EPHB3: variants seen among roughly 807,000 people sequenced by gnomAD.
EPHB3 encodes ephrin type-B receptor 3.
A neutral mutation model predicts 100.2 loss-of-function variants in EPHB3; 33 were observed. The observed-to-expected ratio is 0.33, with a 90% CI of 0.25 to 0.44. EPHB3 has a LOEUF of 0.44. Among genes scored for constraint, EPHB3 ranks in the 20% least tolerant of loss-of-function variants. EPHB3 has a pLI of 1.00. For missense variants in EPHB3, 1,045 were observed against 1,378.3 expected (o/e 0.76, Z 3.83); for synonymous variants, 526 against 554.7 (o/e 0.95, Z 0.73).
Position 184,579,561 on chromosome 3 carries a change from A to G in EPHB3, c.1886A>G (p.Asp629Gly). 6.2e-7 allele frequency: 1 copy of G among 1,613,952 alleles called. No homozygotes were observed. Among genetic ancestry groups the G allele is most frequent in the Non-Finnish European group, 8.5e-7 (1 of 1,179,956 alleles). The change falls in exon 10 of 16, where the codon GAC (aspartate) becomes GGC (glycine). Residue 629 changes from aspartate to glycine, a missense_variant. By Grantham distance (94) the Asp-to-Gly change is moderately conservative. Around this residue, in one of 2 missense-constraint regions of EPHB3, gnomAD observed 985 missense variants for 1,331.1 expected, o/e 0.74. Transcript: ENST00000330394. This position sits in a 1 kb window ranked among gnomAD's most constrained non-coding sequence, Gnocchi z 5.2. ...EAVREFAKEI[D>G]VSCVKIEEVI... The stretch of plus-strand genomic sequence containing the variant: ...GTTCGGGAGTTTGCCAAGGAGATCG[A>G]CGTGTCCTGCGTCAAGATCGAGGAG...
rs1028025565 is a variant in EPHB3, at chr3:184,572,402, A to G, written c.184-102A>G. The G allele has an allele frequency of 2.9e-6, 4 of 1,356,100 alleles. No individual in the cohort carries two copies. The African/African-American group carries it at 4.5e-5, about 15-fold the overall frequency. The allele number at this position is 1,356,100 out of a possible 1,614,324, so 84.0% of individuals were successfully genotyped here. On this transcript the variant is annotated intron_variant, in intron 2 of 15. Coordinates refer to ENST00000330394, the MANE Select transcript of EPHB3 (RefSeq NM_004443.4). This position sits in a 1 kb window ranked among gnomAD's most constrained non-coding sequence, Gnocchi z 6.6. ...CCTGTATGCTCAGCCACTGCACACCATAGAAGCATCCCTGTGAAGTAAATA... is the reference window on the plus strand; with the variant it reads ...CCTGTATGCTCAGCCACTGCACACCGTAGAAGCATCCCTGTGAAGTAAATA...
chr3:184,580,294 T>A, intron 11 of EPHB3, 108 bp from the exon 12 acceptor site: 1 of 1,410,726 alleles, frequency 7.1e-7, no homozygotes. Context: ...TGGACATGGT[T>A]GCAGGAGAGA....
intron 1 of EPHB3, among the ~76,000 whole-genome samples, chr3:184,564,642 G>C (rs1294680489): frequency 6.6e-6 from 1 of 152,158 alleles, no homozygotes; most frequent in Non-Finnish European, 1.5e-5. Flanking sequence ...TTAGAGGGAG[G>C]AAAGATGAAA....
Position 184,577,428 on chromosome 3 carries a change from C to T in EPHB3, c.1440C>T (p.Asn480=), listed in dbSNP as rs1182532667. The T allele has an allele frequency of 1.4e-5, 23 of 1,614,038 alleles. No individual in the cohort carries two copies. The highest frequency in any genetic ancestry group is 3.3e-5 in the South Asian group (3 of 91,076). ...CCTGGGCACCCCCAGAGCGGCCCAACGGAGTCATCCTGGACTACGAGATGA... is the reference window on the plus strand; with the variant it reads ...CCTGGGCACCCCCAGAGCGGCCCAATGGAGTCATCCTGGACTACGAGATGA... ...TLSWAPPERP[N]GVILDYEMKY... Residue 480 remains asparagine, a synonymous_variant, in exon 6 of 16, where the codon AAC becomes AAT. Transcript: ENST00000330394. The surrounding 1 kb of genome is among the most constrained non-coding windows in gnomAD (Gnocchi z 4.9).
In EPHB3 at chr3:184,562,796, A is replaced by G. The variant is rs1422549434; in HGVS notation, c.118+443A>G. Among the ~76,000 whole-genome samples the G allele has an allele frequency of 6.6e-6, 1 of 152,096 alleles. No individual in the cohort carries two copies. The highest frequency in any genetic ancestry group is 2.4e-5 in the African/African-American group (1 of 41,418). ...GGGGCGCTAATGAGGAGCCCGTTGGAGTTAACTGTGAGAGTGTGAGTGCGA... is the reference window on the plus strand; with the variant it reads ...GGGGCGCTAATGAGGAGCCCGTTGGGGTTAACTGTGAGAGTGTGAGTGCGA... On this transcript the variant is annotated intron_variant, in intron 1 of 15. Transcript: ENST00000330394. This position sits in a 1 kb window ranked among gnomAD's most constrained non-coding sequence, Gnocchi z 4.8.
chr3:184,562,167 G>A lies in EPHB3; in HGVS notation c.-69G>A. The A allele has an allele frequency of 4.3e-6, 1 of 234,680 alleles. No individual in the cohort carries two copies. Among genetic ancestry groups the A allele is most frequent in the Non-Finnish European group, 7.3e-6 (1 of 136,820 alleles). 14.5% of individuals were successfully genotyped at this position (234,680 alleles called of 1,614,324 possible). A position where few individuals can be genotyped will look rare whatever the true frequency, so the allele number is the denominator to read the frequency against. ...GCCCGCCGAGCGCACCCTCTCTCGG[G>A]TGCCTGCAGCCCCGCCGGCGCGGCC... On this transcript the variant is annotated 5_prime_UTR_variant, in exon 1 of 16. The change creates a new upstream start codon in the 5' untranslated region. Coordinates refer to ENST00000330394, the MANE Select transcript of EPHB3 (RefSeq NM_004443.4). This position sits in a 1 kb window ranked among gnomAD's most constrained non-coding sequence, Gnocchi z 4.8.
rs148754015 is a variant in EPHB3 at position 184,579,592 on chromosome 3, C to G, written c.1917C>G (p.Ile639Met). 9.1e-5 allele frequency: 147 copies of G among 1,613,794 alleles called. No individual in the cohort carries two copies. Among genetic ancestry groups the G allele is most frequent in the Non-Finnish European group, 1.2e-4 (138 of 1,179,958 alleles). Residue 639 changes from isoleucine to methionine, a missense_variant, in exon 10 of 16, where the codon ATC becomes ATG. Ile to Met is a conservative substitution (Grantham distance 10). Transcript: ENST00000330394. The surrounding 1 kb of genome is among the most constrained non-coding windows in gnomAD (Gnocchi z 5.2). ...DVSCVKIEEV[I>M]GAGEFGEVCR... is the part of the protein sequence containing the mutation. ...CCTGCGTCAAGATCGAGGAGGTGAT[C>G]GGAGCTGGTGAGTCTCCCGGGGCAC...
chr3:184,575,807 A>G (rs2108438196), intron 3 of EPHB3, 23 bp from the exon 4 acceptor site: 1 of 1,571,000 alleles, frequency 6.4e-7, no homozygotes, highest in South Asian at 1.2e-5. Flanking sequence ...GGTGAGCCCC[A>G]TTCATCCTCT....
intron 1 of EPHB3, among the ~76,000 whole-genome samples, chr3:184,566,726 C>T (rs866839420): frequency 9.9e-5 from 15 of 152,242 alleles, no homozygotes; most frequent in African/African-American, 3.6e-4. Flanking sequence ...CCTCCTGCCC[C>T]GCTGCACACT....
rs1714631192 is a variant in EPHB3, at chr3:184,574,740, G to A, written c.857-1090G>A. ...CTCTTCCTAAGTGGAGAAAGGGGGT[G>A]GGGTGATGAGCCTGACAGCCTGAAG... On this transcript the variant is annotated intron_variant, in intron 3 of 15. Transcript: ENST00000330394. Among the ~76,000 whole-genome samples the A allele has an allele frequency of 2.0e-5, 3 of 152,308 alleles. No individual in the cohort carries two copies. The South Asian group carries it at 6.2e-4, about 32-fold the overall frequency.
rs1313530038 is a variant in EPHB3 at position 184,571,270 on chromosome 3, C to T, written c.119-48C>T. 1.2e-6 allele frequency: 2 copies of T among 1,603,282 alleles called. No individual in the cohort carries two copies. Among genetic ancestry groups the T allele is most frequent in the South Asian group, 1.1e-5 (1 of 90,806 alleles). On this transcript the variant is annotated intron_variant, in intron 1 of 15. Transcript: ENST00000330394. The surrounding 1 kb of genome is among the most constrained non-coding windows in gnomAD (Gnocchi z 5.0). ...CGCTCATCTGTGATCTCTTCTGTCT[C>T]CTCAACCTGAGATTAGTCCCTGACC...
chr3:184,569,649 C>T lies in EPHB3; in HGVS notation c.119-1669C>T, dbSNP rs1004649939. On this transcript the variant is annotated intron_variant, in intron 1 of 15. Transcript: ENST00000330394. This position sits in a 1 kb window ranked among gnomAD's most constrained non-coding sequence, Gnocchi z 5.4. ...GGGCTGCGGCAGCGGGAGGAGCCTC[C>T]CTCCCTGCAGTGAATGGCTGCTGCC... Among the ~76,000 whole-genome samples, 12 of 152,402 alleles carry T rather than the reference C, an allele frequency of 7.9e-5. No individual in the cohort carries two copies. Among genetic ancestry groups the T allele is most frequent in the Non-Finnish European group, 1.6e-4 (11 of 68,038 alleles).
Position 184,575,953 on chromosome 3 carries a change from C to T in EPHB3, c.980C>T (p.Ala327Val). 1 of 1,613,546 alleles carries T rather than the reference C, an allele frequency of 6.2e-7. No homozygotes were observed. Among genetic ancestry groups the T allele is most frequent in the Non-Finnish European group, 8.5e-7 (1 of 1,179,698 alleles). The change falls in exon 4 of 16, where the codon GCA (alanine) becomes GTA (valine). Residue 327 changes from alanine to valine, a missense_variant. Transcript: ENST00000330394. ...ACCTGCCACAATAACTTCTACCGTGCAGACTCGGACTCTGCGGACAGTGCC... is the reference window on the plus strand; with the variant it reads ...ACCTGCCACAATAACTTCTACCGTGTAGACTCGGACTCTGCGGACAGTGCC... ...ICTCHNNFYR[A>V]DSDSADSACT... is the part of the protein sequence containing the mutation.
chr3:184,580,570 C>G lies in EPHB3; in HGVS notation c.2341C>G (p.Arg781Gly). 6.2e-7 allele frequency: 1 copy of G among 1,614,186 alleles called. No homozygotes were observed. The highest frequency in any genetic ancestry group is 8.5e-7 in the Non-Finnish European group (1 of 1,180,018). The change falls in exon 12 of 16, where the codon CGC becomes GGC. Residue 781 changes from arginine (R) to glycine (G), a missense_variant. By Grantham distance (125) the Arg-to-Gly change is moderately radical. Around this residue, in one of 2 missense-constraint regions of EPHB3, gnomAD observed 985 missense variants for 1,331.1 expected, o/e 0.74. Transcript: ENST00000330394. ...CAAAGTCTCAGACTTTGGCCTCTCC[C>G]GCTTCCTGGAGGATGACCCCTCCGA... ...VCKVSDFGLS[R>G]FLEDDPSDPT...
Position 184,578,573 on chromosome 3 carries a change from T to A in EPHB3, c.1801+107T>A. On this transcript the variant is annotated intron_variant, in intron 9 of 15. Coordinates refer to ENST00000330394, the MANE Select transcript of EPHB3 (RefSeq NM_004443.4). This position sits in a 1 kb window ranked among gnomAD's most constrained non-coding sequence, Gnocchi z 4.7. ...TCATTCCTTAGAGATAAACCCTGAA[T>A]GCCCCCTCCCACTTCCAGTCAAGTG... The A allele has an allele frequency of 7.0e-7, 1 of 1,427,434 alleles. No individual in the cohort carries two copies. Among genetic ancestry groups the A allele is most frequent in the South Asian group, 1.2e-5 (1 of 81,976 alleles). The allele number at this position is 1,427,434 out of a possible 1,614,324, so 88.4% of individuals were successfully genotyped here.
Position 184,581,889 on chromosome 3 carries a change from C to A in EPHB3, c.*267C>A. On this transcript the variant is annotated 3_prime_UTR_variant, in exon 16 of 16. Transcript: ENST00000330394. ...GGGCCCAGACCTTCCTGCTCTCCAG[C>A]AGGGGATCCCCACAACCTCACACTT... is the stretch of plus-strand genomic sequence containing the variant. 1 of 408,218 alleles carries A rather than the reference C, an allele frequency of 2.4e-6. No individual in the cohort carries two copies. Among genetic ancestry groups the A allele is most frequent in the South Asian group, 4.8e-5 (1 of 20,762 alleles). The allele number at this position is 408,218 out of a possible 1,614,324, so 25.3% of individuals were successfully genotyped here. A position where few individuals can be genotyped will look rare whatever the true frequency, so the allele number is the denominator to read the frequency against.
rs1238964087 is a variant in EPHB3, at chr3:184,569,903, G to A, written c.119-1415G>A. The stretch of plus-strand genomic sequence containing the variant: ...CTGCCCCATTCCAGCTTCAGAGCTG[G>A]CTGCACTGTCTTCCAGGCCACGGGA... On this transcript the variant is annotated intron_variant, in intron 1 of 15. Coordinates refer to ENST00000330394, the MANE Select transcript of EPHB3 (RefSeq NM_004443.4). The surrounding 1 kb of genome is among the most constrained non-coding windows in gnomAD (Gnocchi z 5.4). Among the ~76,000 whole-genome samples the A allele has an allele frequency of 6.6e-6, 1 of 152,262 alleles. No homozygotes were observed. The highest frequency in any genetic ancestry group is 1.5e-5 in the Non-Finnish European group (1 of 68,046).
Position 184,581,281 on chromosome 3 carries a change from G to A in EPHB3, c.2761G>A (p.Val921Ile), listed in dbSNP as rs750610363. ...GMSQPLLDRT[V>I]PDYTTFTTVG... ...GTCACAGCCCCTCCTGGACCGCACG[G>A]TCCCAGATTACACAACCTTCACGAC... The change falls in exon 15 of 16, where the codon GTC becomes ATC. Residue 921 changes from valine (V) to isoleucine (I), a missense_variant. This residue lies in a region of EPHB3 where 985 missense variants were observed against 1,331.1 expected (regional missense o/e 0.74). Coordinates refer to ENST00000330394, the MANE Select transcript of EPHB3 (RefSeq NM_004443.4). 60 of 1,602,232 alleles carry A rather than the reference G, an allele frequency of 3.7e-5. No individual in the cohort carries two copies. The highest frequency in any genetic ancestry group is 4.8e-5 in the Non-Finnish European group (56 of 1,173,708).
intron 11 of EPHB3, 100 bp downstream of exon 11, chr3:184,580,034 CA>C: frequency 6.6e-7 from 1 of 1,515,168 alleles, no homozygotes; most frequent in Non-Finnish European, 8.8e-7. Flanking sequence ...AGTCCATAAG[CA>C]TTTACTGAGG....
Sources: gnomAD v4.1 joint callset for allele counts (sites outside exome capture counted in the v4.1 genomes callset) on GRCh38, gnomAD v4.1.1 for gene constraint, gnomAD v4.1.1 regional missense constraint, Gnocchi (gnomAD v3.1) non-coding constraint, MANE v1.5 for transcripts, NCBI Gene and HGNC (gene_info 2026-07-23, HGNC 2026-07-21) for gene names.